Variants in FRMD1 observed in about 807,000 individuals in gnomAD.
FRMD1 encodes FERM domain containing 1.
FRMD1 carries 51 observed loss-of-function variants against 54.9 expected under a neutral mutation model. The ratio of observed to expected loss-of-function variants is 0.93; its 90% CI spans 0.74 to 1.17. The LOEUF (loss-of-function observed/expected upper bound fraction) is 1.17, where lower values mean the gene tolerates loss of function less well. Among genes scored for constraint, FRMD1 ranks in the 50% most tolerant of loss-of-function variants. The pLI is 0.00. For synonymous variants in FRMD1, 324 were observed against 306.4 expected (o/e 1.06, Z -0.60); for missense variants, 729 against 743.0 (o/e 0.98, Z 0.22).
intron 1 of FRMD1, chr6:168,075,622 G>A (rs1562426852): frequency 3.6e-6 from 3 of 844,198 alleles, no homozygotes; most frequent in Middle Eastern, 2.2e-4. Flanking sequence ...AGGATTTCCC[G>A]AGACCAGTCA....
intron 1 of FRMD1, among the ~76,000 whole-genome samples, chr6:168,077,248 C>T (rs1187164561): frequency 6.6e-6 from 1 of 151,930 alleles, no homozygotes; most frequent in African/African-American, 2.4e-5. Flanking sequence ...GGGTTTCTGT[C>T]CAACTGCAGA....
At chr6:168,076,329 CTAATCCTGAGT>C (rs1440690562) in intron 1 of FRMD1, among the ~76,000 whole-genome samples, 1 of 152,242 alleles carries the variant, frequency 6.6e-6, no homozygotes, top group Non-Finnish European at 1.5e-5. Flanking sequence ...ATCCAGCTTA[CTAATCCTGAGT>C]TAATCCTGAG....
intron 9 of FRMD1, 36 bp downstream of exon 9, chr6:168,060,725 C>T (rs1799676133): frequency 6.3e-7 from 1 of 1,580,880 alleles, no homozygotes; most frequent in South Asian, 1.1e-5. Flanking sequence ...ACCACACTCA[C>T]TGTCCCTGAG....
rs773997512 is a variant in FRMD1 at position 168,067,486 on chromosome 6, T to A, written c.305-40A>T. The A allele has an allele frequency of 8.5e-6, 11 of 1,287,904 alleles. No homozygotes were observed. The South Asian group carries it at 1.3e-4, about 15-fold the overall frequency. The allele number at this position is 1,287,904 out of a possible 1,614,324, so 79.8% of individuals were successfully genotyped here. On this transcript the variant is annotated intron_variant, in intron 2 of 10. Transcript: ENST00000283309. Reference sequence around the variant, plus strand: ...AAAGGCTTCATCAGAGCAGTCACCATGCTTCTCAGGTGTCACCGTGTGTTC... The same window carrying A: ...AAAGGCTTCATCAGAGCAGTCACCAAGCTTCTCAGGTGTCACCGTGTGTTC...
At chr6:168,073,570 A>G (rs1800415347) in intron 2 of FRMD1, among the ~76,000 whole-genome samples, 2 of 151,914 alleles carry the variant, frequency 1.3e-5, no homozygotes, top group South Asian at 2.1e-4. Flanking sequence ...GGGAAGGAGG[A>G]GACTGAGACA....
upstream of FRMD1, among the ~76,000 whole-genome samples, chr6:168,086,136 G>A (rs529021395): frequency 2.4e-4 from 36 of 152,354 alleles, 1 homozygote; most frequent in African/African-American, 7.7e-4. Flanking sequence ...CCCCAGCGTG[G>A]ACACCTATAC....
At chr6:168,090,116 G>A (rs1356996540) in intron 1 of FRMD1, among the ~76,000 whole-genome samples, 3 of 152,040 alleles carry the variant, frequency 2.0e-5, no homozygotes, top group Admixed American at 6.6e-5. Flanking sequence ...ATCTGACCCC[G>A]TTCCCACCTC....
At chr6:168,067,566 CAGCTGACGCTGCA>C in intron 2 of FRMD1, 120 bp from the exon 3 acceptor site, 1 of 659,260 alleles carries the variant, frequency 1.5e-6, no homozygotes, top group Non-Finnish European at 2.7e-6. Flanking sequence ...TGTGCGTCTG[CAGCTGACGCTGCA>C]TATGGGGCTT....
chr6:168,084,753 T>C (rs1188518534), upstream of FRMD1, among the ~76,000 whole-genome samples: 1 of 152,204 alleles, frequency 6.6e-6, no homozygotes, highest in East Asian at 1.9e-4. Context: ...CCCTTCTGTG[T>C]TATCCTCCCA....
chr6:168,091,013 G>A (rs947432118), intron 1 of FRMD1, among the ~76,000 whole-genome samples: 2 of 152,310 alleles, frequency 1.3e-5, no homozygotes, highest in South Asian at 2.1e-4. Context: ...TCCCGGCTCC[G>A]CTCTCTGCCC....
At chr6:168,070,917 G>A (rs572926410) in intron 2 of FRMD1, among the ~76,000 whole-genome samples, 6 of 152,326 alleles carry the variant, frequency 3.9e-5, no homozygotes, top group East Asian at 3.9e-4. Context: ...GGGACTACAT[G>A]CACCCTCTAG....
rs9355159 is a variant in FRMD1 at position 168,058,206 on chromosome 6, C to G, written c.1408-867G>C. The stretch of plus-strand genomic sequence containing the variant: ...CCTGTTCTCTCTCCATCCAGCCTCC[C>G]GTGCCCAGCCCTGTTCTCTCTCTCC... On this transcript the variant is annotated intron_variant, in intron 10 of 10. Transcript: ENST00000283309. Among the ~76,000 whole-genome samples, 72 of 149,388 alleles carry G rather than the reference C, an allele frequency of 4.8e-4. 19 individuals are homozygous for G. Among genetic ancestry groups the G allele is most frequent in the Non-Finnish European group, 8.0e-4 (54 of 67,192 alleles).
chr6:168,069,869 A>G (rs1249540301), intron 2 of FRMD1, among the ~76,000 whole-genome samples: 1 of 152,178 alleles, frequency 6.6e-6, no homozygotes, highest in African/African-American at 2.4e-5. Context: ...TAGCCCGGCC[A>G]CAGTGCCCCG....
rs778108721 is a variant in FRMD1, at chr6:168,075,276, G to A, written c.273C>T (p.Asp91=). Residue 91 remains aspartate (D), a synonymous_variant, in exon 2 of 11, where the codon GAC becomes GAT. Transcript: ENST00000283309. ...QQVCNVASIR[D]AQFFGLCVVR... ...CCACACAGAGGCCAAAGAACTGCGC[G>A]TCTCTGATGCTCGCCACGTTGCACA... 5 of 1,613,774 alleles carry A rather than the reference G, an allele frequency of 3.1e-6. No individual in the cohort carries two copies. Among genetic ancestry groups the A allele is most frequent in the Non-Finnish European group, 4.2e-6 (5 of 1,180,004 alleles).
chr6:168,075,078 A>C (rs573049831), intron 2 of FRMD1, among the ~76,000 whole-genome samples, 167 bp downstream of exon 2: 1 of 151,588 alleles, frequency 6.6e-6, no homozygotes, highest in South Asian at 2.1e-4. Context: ...GCATGTGTAC[A>C]TGTGAGTGGT....
chr6:168,067,668 G>A (rs1016847277), intron 2 of FRMD1: 8 of 507,890 alleles, frequency 1.6e-5, no homozygotes, highest in Admixed American at 1.1e-4. Flanking sequence ...ATGTTCCAAC[G>A]TGTAGGAATA....
chr6:168,060,400 C>T (rs533181190), intron 9 of FRMD1, among the ~76,000 whole-genome samples: 1 of 151,824 alleles, frequency 6.6e-6, no homozygotes, highest in South Asian at 2.1e-4. Flanking sequence ...CCAGGGGCTT[C>T]CTAGGAGTGG....
At chr6:168,077,174 C>T (rs538609067) in intron 1 of FRMD1, among the ~76,000 whole-genome samples, 3 of 151,812 alleles carry the variant, frequency 2.0e-5, no homozygotes, top group Non-Finnish European at 2.9e-5. Context: ...GACACAGATG[C>T]ATGCACATCT....
chr6:168,089,514 G>A (rs904972134), intron 1 of FRMD1, among the ~76,000 whole-genome samples: 7 of 152,226 alleles, frequency 4.6e-5, no homozygotes, highest in African/African-American at 7.2e-5. Flanking sequence ...GAGGAGGACC[G>A]AGGCAGGAAT....
Sources: gnomAD v4.1 joint callset for allele counts (sites outside exome capture counted in the v4.1 genomes callset) on GRCh38, gnomAD v4.1.1 for gene constraint, MANE v1.5 for transcripts, NCBI Gene and HGNC (gene_info 2026-07-23, HGNC 2026-07-21) for gene names.